ROBO1: variants seen among roughly 807,000 people sequenced by gnomAD.
ROBO1 encodes roundabout homolog 1.
ROBO1 carries 149 observed loss-of-function variants against 195.9 expected under a neutral mutation model. The ratio of observed to expected loss-of-function variants is 0.76; its 90% CI spans 0.67 to 0.87. ROBO1 has a LOEUF of 0.87. Among genes scored for constraint, ROBO1 ranks in the 40% least tolerant of loss-of-function variants. The pLI is 0.00. For missense variants in ROBO1, 1,933 were observed against 2,068.3 expected (o/e 0.93, Z 1.27); for synonymous variants, 816 against 733.2 (o/e 1.11, Z -1.82).
intron 1 of ROBO1, among the ~76,000 whole-genome samples, chr3:79,708,468 G>A (rs1402629050): frequency 6.6e-6 from 1 of 152,108 alleles, no homozygotes; most frequent in African/African-American, 2.4e-5. Context: ...GATCTGTTAT[G>A]TGTCAATTTA....
At chr3:79,317,120 C>T (rs1171094039) in intron 2 of ROBO1, among the ~76,000 whole-genome samples, 1 of 152,038 alleles carries the variant, frequency 6.6e-6, no homozygotes, top group East Asian at 1.9e-4. Context: ...AGAGAATTGA[C>T]CAAATAAGAA....
chr3:79,592,502 C>T (rs1045986467), intron 1 of ROBO1, among the ~76,000 whole-genome samples: 33 of 151,836 alleles, frequency 2.2e-4, no homozygotes, highest in African/African-American at 8.0e-4. Context: ...CTATTGTACA[C>T]TTATCATTTC....
intron 21 of ROBO1, among the ~76,000 whole-genome samples, chr3:78,643,456 T>C (rs1706091696): frequency 1.3e-5 from 2 of 152,084 alleles, no homozygotes. Context: ...TGGAATTCAG[T>C]AAACTGAGAA....
intron 2 of ROBO1, among the ~76,000 whole-genome samples, chr3:79,354,616 G>A (rs1464520149): frequency 6.6e-6 from 1 of 152,012 alleles, no homozygotes; most frequent in Non-Finnish European, 1.5e-5. Flanking sequence ...AGCACAGCAG[G>A]GCTCTCAGCA....
chr3:79,371,176 A>G (rs1057377990), intron 2 of ROBO1, among the ~76,000 whole-genome samples: 14 of 152,178 alleles, frequency 9.2e-5, no homozygotes, highest in African/African-American at 3.4e-4. Context: ...TAGTAAAATG[A>G]TTTATAACCC....
At chr3:79,062,947 G>A (rs901099722) in intron 3 of ROBO1, among the ~76,000 whole-genome samples, 2 of 151,878 alleles carry the variant, frequency 1.3e-5, no homozygotes, top group Non-Finnish European at 2.9e-5. Context: ...AAACCTGCAC[G>A]TTCTGCACAT....
At chr3:79,039,404 T>C (rs1175458888) in intron 3 of ROBO1, among the ~76,000 whole-genome samples, 1 of 152,148 alleles carries the variant, frequency 6.6e-6, no homozygotes, top group Non-Finnish European at 1.5e-5. Context: ...GAGTCATCTG[T>C]GGGTCAGGAG....
chr3:78,843,521 G>C (rs920796154), intron 4 of ROBO1, among the ~76,000 whole-genome samples: 1 of 151,914 alleles, frequency 6.6e-6, no homozygotes, highest in Non-Finnish European at 1.5e-5. Flanking sequence ...AGAAAAAACA[G>C]CATTTTAGCA....
chr3:78,785,731 G>A (rs539116033), intron 4 of ROBO1, among the ~76,000 whole-genome samples: 6 of 152,062 alleles, frequency 3.9e-5, no homozygotes, highest in Admixed American at 2.0e-4. Context: ...TCTGTCCACC[G>A]TACGTTTTCA....
At chr3:79,069,034 A>G (rs575719025) in intron 3 of ROBO1, among the ~76,000 whole-genome samples, 2 of 151,810 alleles carry the variant, frequency 1.3e-5, no homozygotes, top group Non-Finnish European at 2.9e-5. Flanking sequence ...TCACCTCAAC[A>G]GAAGACCAAT....
intron 4 of ROBO1, among the ~76,000 whole-genome samples, chr3:78,830,190 C>A (rs1039751420): frequency 7.9e-5 from 12 of 152,174 alleles, no homozygotes; most frequent in African/African-American, 2.9e-4. Flanking sequence ...CTCTTGGTCT[C>A]TGTTAAATTG....
intron 2 of ROBO1, among the ~76,000 whole-genome samples, chr3:79,336,387 G>T (rs557308021): frequency 6.6e-6 from 1 of 152,344 alleles, no homozygotes; most frequent in East Asian, 1.9e-4. Context: ...CATCCCAGCT[G>T]CTTCAGCTCC....
At position 79,325,006 on chromosome 3, in the gene ROBO1, T is replaced by C. The variant is rs557362088; in HGVS notation, c.89-199467A>G. ...ATGGACAGAGTCAATAGTGGAAGGA[T>C]TGAGAACCATTTTAGAGACAGAATA... is the stretch of plus-strand genomic sequence containing the variant. On this transcript the variant is annotated intron_variant, in intron 2 of 30. Transcript: ENST00000464233. Among the ~76,000 whole-genome samples the C allele has an allele frequency of 5.3e-5, 8 of 152,298 alleles. No individual in the cohort carries two copies. The East Asian group carries it at 5.8e-4, about 11-fold the overall frequency.
At chr3:79,501,007 C>A (rs572750757) in intron 2 of ROBO1, among the ~76,000 whole-genome samples, 1 of 152,128 alleles carries the variant, frequency 6.6e-6, no homozygotes, top group Non-Finnish European at 1.5e-5. Flanking sequence ...TTCCACACCC[C>A]TCACCACTCA....
At chr3:79,230,502 T>C (rs1053247004) in intron 2 of ROBO1, among the ~76,000 whole-genome samples, 4 of 151,754 alleles carry the variant, frequency 2.6e-5, no homozygotes, top group Middle Eastern at 3.2e-3. Context: ...AATGTGACAA[T>C]AGCAAATGTA....
At chr3:79,018,678 T>C in intron 3 of ROBO1, 2 of 1,369,872 alleles carry the variant, frequency 1.5e-6, no homozygotes, top group Non-Finnish European at 1.9e-6. Context: ...AGGTTTGTCT[T>C]CTCCGGCCCC....
intron 3 of ROBO1, among the ~76,000 whole-genome samples, chr3:79,094,575 G>A (rs1016892038): frequency 3.9e-5 from 6 of 152,050 alleles, no homozygotes; most frequent in Admixed American, 3.3e-4. Context: ...GATTGCCGAA[G>A]GCATTACTTA....
chr3:79,517,423 A>G (rs76378102), intron 2 of ROBO1, among the ~76,000 whole-genome samples: 2,689 of 152,128 alleles, frequency 0.018, 96 homozygotes, highest in African/African-American at 0.062. Flanking sequence ...TGTTCTCTAA[A>G]CTCTTGGCTG....
intron 2 of ROBO1, among the ~76,000 whole-genome samples, chr3:79,248,807 G>A (rs1338882708): frequency 6.6e-6 from 1 of 152,106 alleles, no homozygotes; most frequent in Admixed American, 6.6e-5. Context: ...TGGGTGTGGG[G>A]GTTGATGGAA....
Sources: gnomAD v4.1 joint callset for allele counts (sites outside exome capture counted in the v4.1 genomes callset) on GRCh38, gnomAD v4.1.1 for gene constraint, MANE v1.5 for transcripts, NCBI Gene and HGNC (gene_info 2026-07-23, HGNC 2026-07-21) for gene names.